The following DRD2 variants were observed in gnomAD, a reference collection of about 807,000 sequenced individuals.
The protein encoded by DRD2 is dopamine receptor D2.
Under a neutral mutation model 38.0 loss-of-function variants are expected in DRD2, and 8 were observed. The observed-to-expected ratio is 0.21, with a 90% confidence interval of 0.12 to 0.38. DRD2 has a LOEUF of 0.38. Among genes scored for constraint, DRD2 ranks in the 10% least tolerant of loss-of-function variants. The probability of loss-of-function intolerance (pLI) is 1.00; values close to 1 mark genes in which losing one functional copy is unlikely to be tolerated. For synonymous variants in DRD2, 230 were observed against 238.6 expected (o/e 0.96, Z 0.33); for missense variants, 403 against 607.7 (o/e 0.66, Z 3.54).
chr11:113,424,589 G>A lies in DRD2; in HGVS notation c.63C>T (p.Pro21=). The A allele has an allele frequency of 6.2e-7, 1 of 1,614,220 alleles. No homozygotes were observed. Among genetic ancestry groups the A allele is most frequent in the Non-Finnish European group, 8.5e-7 (1 of 1,180,040 alleles). ...DDLERQNWSR[P]FNGSDGKADR... ...CCGCCTTCCCGTCTGACCCGTTGAA[G>A]GGCCGGCTCCAGTTCTGCCTCTCCA... Residue 21 remains proline, a synonymous_variant, in exon 2 of 8, where the codon CCC becomes CCT. Transcript: ENST00000362072.
chr11:113,414,039 T>C (rs2138159432), intron 6 of DRD2: 1 of 372,274 alleles, frequency 2.7e-6, no homozygotes, highest in South Asian at 2.2e-5. Flanking sequence ...ATCGGTTCGA[T>C]CAAAGAGACT....
chr11:113,475,222 C>T lies in DRD2; in HGVS notation c.-178G>A, dbSNP rs1172073371. On this transcript the variant is annotated 5_prime_UTR_variant, in exon 1 of 8. Coordinates refer to ENST00000362072, the MANE Select transcript of DRD2 (RefSeq NM_000795.4). ...CGGTCCCTGGCTCCCGGCCCCGCCG[C>T]GCCGTTCAGAGCCCCGGCGGGCAGC... is the stretch of plus-strand genomic sequence containing the variant. 4.6e-5 allele frequency: 7 copies of T among 150,570 alleles called. No individual in the cohort carries two copies. The highest frequency in any genetic ancestry group is 1.0e-4 in the Non-Finnish European group (7 of 67,574). The allele number at this position is 150,570 out of a possible 1,614,324, so 9.3% of individuals were successfully genotyped here.
intron 1 of DRD2, among the ~76,000 whole-genome samples, chr11:113,462,005 A>C (rs1951324891): frequency 6.6e-6 from 1 of 151,142 alleles, no homozygotes; most frequent in Non-Finnish European, 1.5e-5. Flanking sequence ...CTTCCTCCAA[A>C]CTCCCTTTAC....
chr11:113,439,833 T>G (rs1951070906), intron 1 of DRD2, among the ~76,000 whole-genome samples: 1 of 67,972 alleles, frequency 1.5e-5, no homozygotes, highest in Non-Finnish European at 2.4e-5. Flanking sequence ...AGGGAGGCTC[T>G]GTCTCAAAAA....
At chr11:113,413,017 AG>A in intron 6 of DRD2, 134 bp from the exon 7 acceptor site, 2 of 1,027,590 alleles carry the variant, frequency 1.9e-6, no homozygotes, top group Non-Finnish European at 2.8e-6. Context: ...CAGGGAGGCA[AG>A]GATGTCACTG....
intron 1 of DRD2, among the ~76,000 whole-genome samples, chr11:113,469,791 G>T (rs1951405140): frequency 6.6e-6 from 1 of 152,172 alleles, no homozygotes; most frequent in Admixed American, 6.5e-5. Flanking sequence ...TGTGAGCTAT[G>T]ATTGCACCAC....
rs147086003 is a variant in DRD2, at chr11:113,415,526, C to G, written c.618G>C (p.Leu206=). Residue 206 remains leucine, a synonymous_variant, in exon 5 of 8, where the codon CTG becomes CTC. Transcript: ENST00000362072. ...CAATGTAGATCTTGATGTAGACCAG[C>G]AGGGTGACAATGAAGGGCACGTAGA... ...VSFYVPFIVT[L]LVYIKIYIVL... The G allele has an allele frequency of 6.2e-7, 1 of 1,613,992 alleles. No homozygotes were observed. Among genetic ancestry groups the G allele is most frequent in the Non-Finnish European group, 8.5e-7 (1 of 1,179,994 alleles).
chr11:113,450,584 G>T (rs975421780), intron 1 of DRD2, among the ~76,000 whole-genome samples: 10 of 152,202 alleles, frequency 6.6e-5, no homozygotes, highest in African/African-American at 2.2e-4. Flanking sequence ...TGTTGGCTAG[G>T]TGATCATGGT....
chr11:113,420,278 T>C (rs1160011571), intron 2 of DRD2, among the ~76,000 whole-genome samples: 4 of 152,330 alleles, frequency 2.6e-5, no homozygotes, highest in Non-Finnish European at 4.4e-5. Flanking sequence ...GCCTCTATCC[T>C]AGGCTCCTGG....
chr11:113,448,456 C>G (rs1407269427), intron 1 of DRD2, among the ~76,000 whole-genome samples: 1 of 152,226 alleles, frequency 6.6e-6, no homozygotes, highest in African/African-American at 2.4e-5. Flanking sequence ...AGCTGCTCCC[C>G]ACTCTAAAAA....
intron 1 of DRD2, among the ~76,000 whole-genome samples, chr11:113,449,084 C>T (rs1379425632): frequency 6.6e-6 from 1 of 152,210 alleles, no homozygotes; most frequent in African/African-American, 2.4e-5. Flanking sequence ...CTGCTGGCCC[C>T]TCCTGTGGAC....
At chr11:113,431,734 T>G (rs939203265) in intron 1 of DRD2, among the ~76,000 whole-genome samples, 1 of 152,222 alleles carries the variant, frequency 6.6e-6, no homozygotes, top group African/African-American at 2.4e-5. Flanking sequence ...ATTAGGTCAG[T>G]TGGGATGTAG....
chr11:113,467,735 T>C (rs73557297), intron 1 of DRD2, among the ~76,000 whole-genome samples: 2,702 of 152,308 alleles, frequency 0.018, 86 homozygotes, highest in African/African-American at 0.061. Context: ...CATGAAAAGC[T>C]ATCACCAGGA....
chr11:113,464,127 C>T (rs999336620), intron 1 of DRD2, among the ~76,000 whole-genome samples: 1 of 152,210 alleles, frequency 6.6e-6, no homozygotes, highest in African/African-American at 2.4e-5. Flanking sequence ...CCTGTCTTCA[C>T]CTTTCTTCTG....
chr11:113,429,958 TC>T (rs1470793064), intron 1 of DRD2, among the ~76,000 whole-genome samples: 3 of 152,166 alleles, frequency 2.0e-5, no homozygotes, highest in Non-Finnish European at 2.9e-5. Flanking sequence ...ACTTTAAAAA[TC>T]AAACCAAGCA....
At chr11:113,429,652 T>C (rs1420668161) in intron 1 of DRD2, among the ~76,000 whole-genome samples, 1 of 152,198 alleles carries the variant, frequency 6.6e-6, no homozygotes, top group Non-Finnish European at 1.5e-5. Flanking sequence ...GCAGCCTAGC[T>C]GGCTCTCACC....
chr11:113,462,452 A>T (rs1951331658), intron 1 of DRD2, among the ~76,000 whole-genome samples: 3 of 152,200 alleles, frequency 2.0e-5, no homozygotes, highest in Admixed American at 2.0e-4. Context: ...AGAAGCAGAG[A>T]GGAGACAGAG....
At position 113,412,265 on chromosome 11, in the gene DRD2, G is replaced by A. The variant is rs1285738028; in HGVS notation, c.1138+291C>T. Reference sequence around the variant, plus strand: ...GCACATAGGCCCATGAGGTTCTGGTGCCAGCATAATAGACTAGTCAAATTT... The same window carrying A: ...GCACATAGGCCCATGAGGTTCTGGTACCAGCATAATAGACTAGTCAAATTT... On this transcript the variant is annotated intron_variant, in intron 7 of 7. Transcript: ENST00000362072. 5 of 481,598 alleles carry A rather than the reference G, an allele frequency of 1.0e-5. No homozygotes were observed. The East Asian group carries it at 1.6e-4, about 15-fold the overall frequency. 29.8% of individuals were successfully genotyped at this position (481,598 alleles called of 1,614,324 possible).
intron 1 of DRD2, among the ~76,000 whole-genome samples, chr11:113,442,455 A>T (rs1448208272): frequency 6.6e-6 from 1 of 152,172 alleles, no homozygotes; most frequent in African/African-American, 2.4e-5. Flanking sequence ...ATCAAGGGGT[A>T]GCGGCAGGAG....
Sources: allele counts gnomAD v4.1 joint callset (sites outside exome capture counted in the v4.1 genomes callset), GRCh38; gene constraint gnomAD v4.1.1; transcripts MANE v1.5; gene names NCBI Gene and HGNC (gene_info 2026-07-23, HGNC 2026-07-21).